PTPRT: variants seen among roughly 807,000 people sequenced by gnomAD.
PTPRT encodes receptor-type tyrosine-protein phosphatase T.
In PTPRT, 56 loss-of-function variants were observed where a neutral mutation model predicts 176.8. The ratio of observed to expected loss-of-function variants is 0.32; its 90% CI spans 0.26 to 0.40. The LOEUF is 0.40. Among genes scored for constraint, PTPRT ranks in the 10% least tolerant of loss-of-function variants. The pLI is 1.00. For synonymous variants in PTPRT, 783 were observed against 739.0 expected (o/e 1.06, Z -0.96); for missense variants, 1,540 against 1,908.2 (o/e 0.81, Z 3.60).
chr20:42,489,610 G>A (rs142866610), intron 7 of PTPRT, among the ~76,000 whole-genome samples: 7 of 151,740 alleles, frequency 4.6e-5, no homozygotes, highest in Admixed American at 2.6e-4. Context: ...CCTATTACAT[G>A]TGCATTTTTA....
rs2058978595 is a variant in PTPRT, at chr20:42,408,098, T to C, written c.1560+40122A>G. 2.0e-5 allele frequency among the ~76,000 whole-genome samples: 3 copies of C among 152,138 alleles called. No individual in the cohort carries two copies. In the South Asian group the frequency reaches 6.2e-4, roughly 31 times the overall value. ...TCCCAAAACCAATACGTTGATGAAA[T>C]ACAATTTCACTCAGAATCTTCATAA... On this transcript the variant is annotated intron_variant, in intron 9 of 30. Coordinates refer to ENST00000373187, the MANE Select transcript of PTPRT (RefSeq NM_007050.6).
the PTPRT span, among the ~76,000 whole-genome samples, chr20:42,059,927 C>A: frequency 6.6e-6 from 1 of 152,140 alleles, no homozygotes; most frequent in African/African-American, 2.4e-5. Context: ...TTTTCCCATA[C>A]ATAAAATGGA....
intron 6 of PTPRT, among the ~76,000 whole-genome samples, chr20:42,729,277 G>T (rs181636104): frequency 6.6e-6 from 1 of 152,048 alleles, no homozygotes; most frequent in Non-Finnish European, 1.5e-5. Context: ...AGGGGGGTCG[G>T]TCTAGCGGAT....
chr20:42,787,455 C>T (rs2077308060), intron 3 of PTPRT, among the ~76,000 whole-genome samples: 2 of 152,192 alleles, frequency 1.3e-5, no homozygotes, highest in Non-Finnish European at 2.9e-5. Flanking sequence ...TTTCTGACTC[C>T]TCAGAACTCC....
At chr20:42,766,613 TAAGGAA>T (rs1836414052) in intron 5 of PTPRT, among the ~76,000 whole-genome samples, 1 of 152,076 alleles carries the variant, frequency 6.6e-6, no homozygotes, top group Admixed American at 6.6e-5. Context: ...CAAAACCACT[TAAGGAA>T]AAGCAAGCTA....
intron 1 of PTPRT, among the ~76,000 whole-genome samples, chr20:43,089,073 CTTAT>C (rs1282569801): frequency 6.6e-6 from 1 of 152,138 alleles, no homozygotes; most frequent in African/African-American, 2.4e-5. Flanking sequence ...TAATTGAAAG[CTTAT>C]TTGAGGGCCA....
At chr20:42,727,528 G>A (rs1424293223) in intron 6 of PTPRT, among the ~76,000 whole-genome samples, 1 of 152,182 alleles carries the variant, frequency 6.6e-6, no homozygotes, top group Non-Finnish European at 1.5e-5. Context: ...GTACAGAGGT[G>A]TCACTTATGT....
intron 7 of PTPRT, among the ~76,000 whole-genome samples, chr20:42,541,701 T>C (rs2072584491): frequency 6.6e-6 from 1 of 151,362 alleles, no homozygotes; most frequent in African/African-American, 2.4e-5. Context: ...GATGAACCTA[T>C]AAAAATAACA....
chr20:42,276,529 A>T lies in PTPRT; in HGVS notation c.2176+5960T>A, dbSNP rs1291235962. ...TATATATATATATATATATATATAT[A>T]TATATATATATATATATATATATAT... On this transcript the variant is annotated intron_variant, in intron 13 of 30. Transcript: ENST00000373187. 2.1e-4 allele frequency among the ~76,000 whole-genome samples: 10 copies of T among 47,052 alleles called. 1 individual carries two copies. The highest frequency in any genetic ancestry group is 7.5e-4 in the African/African-American group (10 of 13,288). 30.9% of individuals were successfully genotyped at this position (47,052 alleles called of 152,430 possible). A position where few individuals can be genotyped will look rare whatever the true frequency, so the allele number is the denominator to read the frequency against.
chr20:42,834,023 G>A (rs2078138610), intron 2 of PTPRT, among the ~76,000 whole-genome samples: 1 of 151,940 alleles, frequency 6.6e-6, no homozygotes, highest in African/African-American at 2.4e-5. Flanking sequence ...AGACTTCATC[G>A]AAATTAAAAT....
intron 18 of PTPRT, among the ~76,000 whole-genome samples, chr20:42,135,400 C>T (rs747016198): frequency 2.6e-5 from 4 of 152,222 alleles, no homozygotes; most frequent in Non-Finnish European, 5.9e-5. Flanking sequence ...CACCTGGGAA[C>T]TTGTTTGAAA....
Position 42,188,271 on chromosome 20 carries a change from T to C in PTPRT, c.2491+10969A>G, listed in dbSNP as rs554004348. ...TCAATGATTAGAGGTTGGGAGCAAG[T>C]ACAGAACCAGTAAAGAAGAATGAGA... is the stretch of plus-strand genomic sequence containing the variant. On this transcript the variant is annotated intron_variant, in intron 16 of 30. Coordinates refer to ENST00000373187, the MANE Select transcript of PTPRT (RefSeq NM_007050.6). Among the ~76,000 whole-genome samples the C allele has an allele frequency of 7.1e-4, 108 of 152,222 alleles. No homozygotes were observed. The South Asian group carries it at 0.011, about 15-fold the overall frequency.
intron 7 of PTPRT, among the ~76,000 whole-genome samples, chr20:42,664,280 C>G (rs995776159): frequency 3.3e-5 from 5 of 152,110 alleles, no homozygotes; most frequent in African/African-American, 1.2e-4. Flanking sequence ...GATATTTTAT[C>G]TCCCTTTTCT....
chr20:42,213,848 A>G (rs2055705102), intron 15 of PTPRT, among the ~76,000 whole-genome samples: 1 of 152,218 alleles, frequency 6.6e-6, no homozygotes, highest in Non-Finnish European at 1.5e-5. Flanking sequence ...AGCTTCTAAA[A>G]TTATGAGAGG....
At chr20:42,889,112 T>C (rs1285671804) in intron 1 of PTPRT, among the ~76,000 whole-genome samples, 1 of 152,074 alleles carries the variant, frequency 6.6e-6, no homozygotes, top group East Asian at 1.9e-4. Context: ...TAACTGTAGG[T>C]AGACACTCAG....
chr20:42,272,803 G>C lies in PTPRT; in HGVS notation c.2176+9686C>G, dbSNP rs139949389. On this transcript the variant is annotated intron_variant, in intron 13 of 30. Transcript: ENST00000373187. The stretch of plus-strand genomic sequence containing the variant: ...CCCCTGATCACTCCTAACCTCATCT[G>C]GTCACACTGGCCTACTAGCCATCAT... Among the ~76,000 whole-genome samples, 6 of 152,172 alleles carry C rather than the reference G, an allele frequency of 3.9e-5. No individual in the cohort carries two copies. The East Asian group carries it at 9.7e-4, about 25-fold the overall frequency.
At chr20:42,652,560 T>G (rs1030455985) in intron 7 of PTPRT, among the ~76,000 whole-genome samples, 1 of 152,162 alleles carries the variant, frequency 6.6e-6, no homozygotes, top group Non-Finnish European at 1.5e-5. Flanking sequence ...CCTTCACTCA[T>G]GAGTCCCAGA....
intron 7 of PTPRT, among the ~76,000 whole-genome samples, chr20:42,593,074 A>T (rs2073608057): frequency 6.6e-6 from 1 of 152,214 alleles, no homozygotes; most frequent in African/African-American, 2.4e-5. Context: ...TAGGGTAGTG[A>T]ATGCACAGAA....
chr20:42,914,911 C>T (rs912140333), intron 1 of PTPRT, among the ~76,000 whole-genome samples: 5 of 152,064 alleles, frequency 3.3e-5, no homozygotes, highest in African/African-American at 1.2e-4. Context: ...AACATTGCAC[C>T]CAATCTGTGT....
Sources: gnomAD v4.1 joint callset for allele counts (sites outside exome capture counted in the v4.1 genomes callset) on GRCh38, gnomAD v4.1.1 for gene constraint, MANE v1.5 for transcripts, NCBI Gene and HGNC (gene_info 2026-07-23, HGNC 2026-07-21) for gene names.